The following SNTG1 variants were observed in gnomAD, a reference collection of about 807,000 sequenced individuals.
SNTG1 encodes the protein syntrophin gamma 1.
Under a neutral mutation model 74.7 loss-of-function variants are expected in SNTG1, and 39 were observed. That is an observed-to-expected ratio of 0.52 (90% CI 0.40 to 0.68). The LOEUF (loss-of-function observed/expected upper bound fraction) is 0.68. SNTG1 is among the 30% of genes least tolerant of loss of function. SNTG1 has a pLI of 0.00. For synonymous variants in SNTG1, 254 were observed against 217.1 expected (o/e 1.17, Z -1.49); for missense variants, 685 against 609.5 (o/e 1.12, Z -1.30).
intron 9 of SNTG1, among the ~76,000 whole-genome samples, chr8:50,512,597 T>C (rs2094090838): frequency 6.6e-6 from 1 of 152,246 alleles, no homozygotes; most frequent in Non-Finnish European, 1.5e-5. Context: ...CTATATTTCT[T>C]GGAGGCTTTG....
chr8:49,983,058 T>G (rs945070044), intron 1 of SNTG1, among the ~76,000 whole-genome samples: 1 of 152,232 alleles, frequency 6.6e-6, no homozygotes, highest in African/African-American at 2.4e-5. Flanking sequence ...CTCTCATCCC[T>G]ACCCAAAGGA....
At chr8:50,490,273 T>A (rs1426933653) in intron 8 of SNTG1, among the ~76,000 whole-genome samples, 1 of 152,056 alleles carries the variant, frequency 6.6e-6, no homozygotes, top group African/African-American at 2.4e-5. Context: ...TGGTTCCATA[T>A]GAAATTGAAC....
At chr8:50,244,013 T>G (rs1171533962) in intron 2 of SNTG1, among the ~76,000 whole-genome samples, 1 of 151,746 alleles carries the variant, frequency 6.6e-6, no homozygotes, top group African/African-American at 2.4e-5. Context: ...AGAAAAGAGG[T>G]TTAATTGGCT....
chr8:50,442,871 G>A (rs1159017341), intron 5 of SNTG1, among the ~76,000 whole-genome samples: 1 of 152,104 alleles, frequency 6.6e-6, no homozygotes, highest in Non-Finnish European at 1.5e-5. Flanking sequence ...AGATTCAGCA[G>A]GCTAGTGGCA....
chr8:50,769,134 C>A (rs1206316318), intron 18 of SNTG1, among the ~76,000 whole-genome samples: 1 of 150,954 alleles, frequency 6.6e-6, no homozygotes, highest in Non-Finnish European at 1.5e-5. Flanking sequence ...TTTCTCTACC[C>A]GTTTGTGTTA....
At chr8:50,537,441 ATAT>A (rs1245093172) in intron 11 of SNTG1, among the ~76,000 whole-genome samples, 33 of 152,256 alleles carry the variant, frequency 2.2e-4, no homozygotes, top group Admixed American at 1.5e-3. Context: ...TAATATTCTT[ATAT>A]TATTATCTAT....
intron 2 of SNTG1, among the ~76,000 whole-genome samples, chr8:50,179,135 T>C (rs2083110076): frequency 6.6e-6 from 1 of 152,178 alleles, no homozygotes; most frequent in African/African-American, 2.4e-5. Context: ...GGGTTGATTT[T>C]TGGGCTCTCT....
At chr8:50,074,458 G>C (rs1383510597) in intron 1 of SNTG1, among the ~76,000 whole-genome samples, 1 of 152,128 alleles carries the variant, frequency 6.6e-6, no homozygotes, top group East Asian at 1.9e-4. Flanking sequence ...TTTCAATATT[G>C]TTGTGGCTTT....
At chr8:50,584,337 C>A (rs1472446295) in intron 12 of SNTG1, among the ~76,000 whole-genome samples, 6 of 151,216 alleles carry the variant, frequency 4.0e-5, no homozygotes, top group Non-Finnish European at 8.8e-5. Flanking sequence ...TGAGGAATCA[C>A]CACACTGTCT....
chr8:50,051,506 G>C (rs1455161213), intron 1 of SNTG1, among the ~76,000 whole-genome samples: 3 of 152,100 alleles, frequency 2.0e-5, no homozygotes, highest in Admixed American at 2.0e-4. Context: ...TGCCACAAAT[G>C]AGGTGGCTTA....
At chr8:50,009,125 A>G (rs1815528526) in intron 1 of SNTG1, among the ~76,000 whole-genome samples, 1 of 152,148 alleles carries the variant, frequency 6.6e-6, no homozygotes, top group Non-Finnish European at 1.5e-5. Context: ...AGACTTTGCT[A>G]AAGTACCAGA....
intron 1 of SNTG1, among the ~76,000 whole-genome samples, chr8:50,113,988 T>C (rs948751651): frequency 5.3e-5 from 8 of 151,938 alleles, no homozygotes; most frequent in African/African-American, 9.7e-5. Flanking sequence ...TAAATTATCA[T>C]AGAAAAAATC....
At chr8:50,519,248 T>C (rs764170818) in intron 9 of SNTG1, among the ~76,000 whole-genome samples, 11 of 152,130 alleles carry the variant, frequency 7.2e-5, no homozygotes, top group Non-Finnish European at 1.3e-4. Flanking sequence ...TCAATAAAAC[T>C]CAACACCCTT....
At chr8:50,281,036 A>G (rs1249881959) in intron 2 of SNTG1, among the ~76,000 whole-genome samples, 8 of 151,814 alleles carry the variant, frequency 5.3e-5, no homozygotes, top group African/African-American at 1.9e-4. Flanking sequence ...AAAAGGACCT[A>G]GAAAAGGGAC....
At chr8:50,518,249 T>C (rs1464957371) in intron 9 of SNTG1, among the ~76,000 whole-genome samples, 3 of 152,136 alleles carry the variant, frequency 2.0e-5, no homozygotes, top group South Asian at 2.1e-4. Flanking sequence ...ATAAGTTCTT[T>C]GAAACCAATG....
intron 4 of SNTG1, among the ~76,000 whole-genome samples, chr8:50,425,394 G>T (rs2093150231): frequency 6.6e-6 from 1 of 151,978 alleles, no homozygotes; most frequent in Non-Finnish European, 1.5e-5. Context: ...CACACGCCAG[G>T]GATCTAGGTT....
At chr8:50,617,889 G>A (rs749725887) in intron 13 of SNTG1, among the ~76,000 whole-genome samples, 5 of 152,112 alleles carry the variant, frequency 3.3e-5, no homozygotes, top group African/African-American at 9.7e-5. Context: ...GTGTGGCACC[G>A]GGCTGTCTGC....
chr8:50,761,956 G>C (rs1403863514), intron 18 of SNTG1, among the ~76,000 whole-genome samples: 2 of 151,934 alleles, frequency 1.3e-5, no homozygotes, highest in Non-Finnish European at 2.9e-5. Context: ...ATAAGTAAAA[G>C]GAACCATTTT....
At chr8:50,746,819 C>T (rs998425974) in intron 17 of SNTG1, among the ~76,000 whole-genome samples, 27 of 147,040 alleles carry the variant, frequency 1.8e-4, no homozygotes, top group Admixed American at 9.6e-4. Context: ...TTTGCATATA[C>T]ATATTGTAAA....
Sources: allele counts gnomAD v4.1 joint callset (sites outside exome capture counted in the v4.1 genomes callset), GRCh38; gene constraint gnomAD v4.1.1; transcripts MANE v1.5; gene names NCBI Gene and HGNC (gene_info 2026-07-23, HGNC 2026-07-21).